Variants in HIKESHI observed in about 807,000 individuals in gnomAD.
The protein encoded by HIKESHI is heat shock protein nuclear import factor hikeshi.
In HIKESHI, 13 loss-of-function variants were observed where a neutral mutation model predicts 25.7. The ratio of observed to expected loss-of-function variants is 0.51; its 90% CI spans 0.33 to 0.80. The LOEUF (loss-of-function observed/expected upper bound fraction) is 0.80, where lower values mean the gene tolerates loss of function less well. HIKESHI is among the 30% of genes least tolerant of loss of function. HIKESHI has a pLI of 0.02. For missense variants in HIKESHI, 174 were observed against 229.5 expected (o/e 0.76, Z 1.56); for synonymous variants, 76 against 78.7 (o/e 0.97, Z 0.18).
chr11:86,344,869 A>G (rs975016534), intron 4 of HIKESHI, 148 bp downstream of exon 4: 2 of 534,176 alleles, frequency 3.7e-6, no homozygotes, highest in Non-Finnish European at 6.5e-6. Context: ...TACTATAGAG[A>G]TCTGATGAGA....
In HIKESHI at chr11:86,310,160, A is replaced by G. The variant is rs569057050; in HGVS notation, c.268+3678A>G. 1.1e-3 allele frequency among the ~76,000 whole-genome samples: 161 copies of G among 147,526 alleles called. 1 individual carries two copies. Among genetic ancestry groups the G allele is most frequent in the African/African-American group, 3.9e-3 (155 of 39,760 alleles). ...GAATCTATAAATTACCTTGGGCAGT[A>G]TGGCCATTTTCACAATATTGATTCG... On this transcript the variant is annotated intron_variant, in intron 2 of 4. Coordinates refer to ENST00000278483, the MANE Select transcript of HIKESHI (RefSeq NM_016401.4).
At chr11:86,312,574 G>T (rs1447230872) in intron 2 of HIKESHI, among the ~76,000 whole-genome samples, 1 of 152,102 alleles carries the variant, frequency 6.6e-6, no homozygotes, top group Non-Finnish European at 1.5e-5. Context: ...GGTTAATATT[G>T]CTGTGTGTGA....
Position 86,344,610 on chromosome 11 carries a change from A to G in HIKESHI, c.428A>G (p.Gln143Arg). 1 of 1,584,524 alleles carries G rather than the reference A, an allele frequency of 6.3e-7. No individual in the cohort carries two copies. The highest frequency in any genetic ancestry group is 8.7e-7 in the Non-Finnish European group (1 of 1,155,770). ...CTATTATTAACTTTTCAGTTCACAC[A>G]AAAGATGTTGGACAATTTCTACAAT... ...SSVDSFTQFT[Q>R]KMLDNFYNFA... Residue 143 changes from glutamine to arginine, a missense_variant, in exon 4 of 5, where the codon CAA (glutamine) becomes CGA (arginine). Physicochemically the swap from Gln to Arg is conservative, Grantham distance 43. Coordinates refer to ENST00000278483, the MANE Select transcript of HIKESHI (RefSeq NM_016401.4).
intron 1 of HIKESHI, among the ~76,000 whole-genome samples, chr11:86,302,811 T>C (rs915917382): frequency 1.3e-5 from 2 of 152,234 alleles, no homozygotes; most frequent in African/African-American, 4.8e-5. Flanking sequence ...ACTCGTGAGA[T>C]GGTCTTTATC....
In HIKESHI at chr11:86,319,958, C is replaced by T. The variant is rs370455552; in HGVS notation, c.268+13476C>T. Reference sequence around the variant, plus strand: ...CTAATTTTGTCATTTTTTTTAATATCTGTAAAGTCTGTAGAGATAAACTTG... The same window carrying T: ...CTAATTTTGTCATTTTTTTTAATATTTGTAAAGTCTGTAGAGATAAACTTG... On this transcript the variant is annotated intron_variant, in intron 2 of 4. Coordinates refer to ENST00000278483, the MANE Select transcript of HIKESHI (RefSeq NM_016401.4). 3.9e-5 allele frequency among the ~76,000 whole-genome samples: 6 copies of T among 152,040 alleles called. No homozygotes were observed. The East Asian group carries it at 9.7e-4, about 25-fold the overall frequency.
At chr11:86,322,825 A>C (rs1192779018) in intron 2 of HIKESHI, among the ~76,000 whole-genome samples, 1 of 152,212 alleles carries the variant, frequency 6.6e-6, no homozygotes, top group African/African-American at 2.4e-5. Flanking sequence ...ATGGATATTT[A>C]GTGGTTCCAA....
chr11:86,320,765 A>G (rs1484347186), intron 2 of HIKESHI, among the ~76,000 whole-genome samples: 3 of 152,178 alleles, frequency 2.0e-5, no homozygotes, highest in Admixed American at 6.5e-5. Context: ...TCTCCACTCT[A>G]GGCAACTACT....
At chr11:86,325,304 CT>C (rs1947250081) in intron 2 of HIKESHI, among the ~76,000 whole-genome samples, 1 of 152,084 alleles carries the variant, frequency 6.6e-6, no homozygotes. Context: ...CAAGAGAGCT[CT>C]GTTGGGAGAA....
chr11:86,333,114 A>T lies in HIKESHI; in HGVS notation c.269-4265A>T, dbSNP rs186374776. Among the ~76,000 whole-genome samples, 58 of 152,384 alleles carry T rather than the reference A, an allele frequency of 3.8e-4. 1 individual carries two copies. Among genetic ancestry groups the T allele is most frequent in the Admixed American group, 2.0e-4 (3 of 15,310 alleles). On this transcript the variant is annotated intron_variant, in intron 2 of 4. Transcript: ENST00000278483. Reference sequence around the variant, plus strand: ...ATGAATACTGAAAGGTAAATTCTACACTGATGACGATGGTAAAGTGGATCA... The same window carrying T: ...ATGAATACTGAAAGGTAAATTCTACTCTGATGACGATGGTAAAGTGGATCA...
At chr11:86,317,235 A>G (rs1464838893) in intron 2 of HIKESHI, among the ~76,000 whole-genome samples, 2 of 152,218 alleles carry the variant, frequency 1.3e-5, no homozygotes, top group Non-Finnish European at 1.5e-5. Context: ...ATAATTTACT[A>G]GGAAGACTTA....
At chr11:86,344,098 ACT>A (rs1314894242) in intron 3 of HIKESHI, 2 of 152,120 alleles carry the variant, frequency 1.3e-5, no homozygotes, top group African/African-American at 4.8e-5. Flanking sequence ...TAATATGTAA[ACT>A]CTTATCTTTC....
chr11:86,314,555 C>T (rs1359141821), intron 2 of HIKESHI, among the ~76,000 whole-genome samples: 1 of 151,882 alleles, frequency 6.6e-6, no homozygotes, highest in East Asian at 1.9e-4. Flanking sequence ...GTGGAGATTG[C>T]AGTTGCAGTG....
chr11:86,305,038 C>T (rs1946586154), intron 1 of HIKESHI, among the ~76,000 whole-genome samples: 1 of 152,220 alleles, frequency 6.6e-6, no homozygotes, highest in African/African-American at 2.4e-5. Context: ...CATGCTCTGT[C>T]ATCCAGGCTG....
At chr11:86,342,744 G>T (rs1947768682) in intron 3 of HIKESHI, among the ~76,000 whole-genome samples, 1 of 150,176 alleles carries the variant, frequency 6.7e-6, no homozygotes. Context: ...TTTACCATGA[G>T]TAATAGCATC....
At chr11:86,308,275 T>TATAAAAATATATTAC (rs1946729314) in intron 2 of HIKESHI, among the ~76,000 whole-genome samples, 1 of 107,330 alleles carries the variant, frequency 9.3e-6, no homozygotes, top group African/African-American at 4.1e-5. Context: ...ATGTGTATTA[T>TATAAAAATATATTAC]ATATAAAATA....
chr11:86,338,652 G>C (rs1022672156), intron 3 of HIKESHI, among the ~76,000 whole-genome samples: 12 of 152,216 alleles, frequency 7.9e-5, no homozygotes, highest in African/African-American at 2.9e-4. Context: ...GCGCACTTTT[G>C]AAGGTTGTGG....
At chr11:86,313,384 C>G (rs1054725567) in intron 2 of HIKESHI, among the ~76,000 whole-genome samples, 3 of 152,084 alleles carry the variant, frequency 2.0e-5, no homozygotes, top group African/African-American at 7.2e-5. Flanking sequence ...GCACCCGCCA[C>G]CACACCTTGC....
chr11:86,344,951 GC>G lies in HIKESHI; in HGVS notation c.539+232del, dbSNP rs890893772. On this transcript the variant is annotated intron_variant, in intron 4 of 4. Coordinates refer to ENST00000278483, the MANE Select transcript of HIKESHI (RefSeq NM_016401.4). ...TTTATAAAGACAGGAAAATATAGTT[GC>G]CTATGTTTTAGGGACCACTATTAAA... is the stretch of plus-strand genomic sequence containing the variant. 5 of 527,912 alleles carry G rather than the reference GC, an allele frequency of 9.5e-6. No homozygotes were observed. In the Admixed American group the frequency reaches 1.9e-4, roughly 20 times the overall value. The allele number at this position is 527,912 out of a possible 1,614,324, so 32.7% of individuals were successfully genotyped here.
chr11:86,315,878 CAT>C (rs1491567141), intron 2 of HIKESHI, among the ~76,000 whole-genome samples: 1 of 151,930 alleles, frequency 6.6e-6, no homozygotes. Flanking sequence ...TAGAAAAAAA[CAT>C]ATAAGACAGG....
Sources: gnomAD v4.1 joint callset for allele counts (sites outside exome capture counted in the v4.1 genomes callset) on GRCh38, gnomAD v4.1.1 for gene constraint, MANE v1.5 for transcripts, NCBI Gene and HGNC (gene_info 2026-07-23, HGNC 2026-07-21) for gene names.